The following ALG1 variants were observed in gnomAD, a reference collection of about 807,000 sequenced individuals.
ALG1 encodes the protein ALG1 chitobiosyldiphosphodolichol beta-mannosyltransferase.
Under a neutral mutation model 55.1 loss-of-function variants are expected in ALG1, and 58 were observed. That is an observed-to-expected ratio of 1.05 (90% CI 0.85 to 1.31). The LOEUF (loss-of-function observed/expected upper bound fraction) is 1.31. Ranked by LOEUF, ALG1 falls within the 50% of genes most tolerant of loss-of-function variation. The pLI, the probability that ALG1 is intolerant of heterozygous loss-of-function variation, is 0.00. For synonymous variants in ALG1, 309 were observed against 247.0 expected, an observed-to-expected ratio of 1.25 and a Z score of -2.35; for missense variants, 761 against 598.6, an observed-to-expected ratio of 1.27 and a Z score of -2.83.
In ALG1 at chr16:5,073,152, G is replaced by C; in HGVS notation, c.287-1G>C. 1.9e-6 allele frequency: 3 copies of C among 1,614,160 alleles called. No individual in the cohort carries two copies. The highest frequency in any genetic ancestry group is 2.5e-6 in the Non-Finnish European group (3 of 1,180,016). ...AGTCACAGGTGTTTTCTGACTTGCA[G>C]TTGGGCCCCGAGTTTTCCAGTACGG... On this transcript the variant is annotated splice_acceptor_variant, in intron 2 of 12. Coordinates refer to ENST00000262374, the MANE Select transcript of ALG1 (RefSeq NM_019109.5). LOFTEE classifies it high-confidence loss of function.
intron 4 of ALG1, among the ~76,000 whole-genome samples, chr16:5,075,821 T>C (rs891607217): frequency 6.6e-6 from 1 of 152,208 alleles, no homozygotes; most frequent in Non-Finnish European, 1.5e-5. Flanking sequence ...CACTCCCTTC[T>C]GGTGGTGGTT....
chr16:5,085,138 C>T lies in ALG1; in HGVS notation c.*257C>T. On this transcript the variant is annotated 3_prime_UTR_variant, in exon 13 of 13. Transcript: ENST00000262374. The stretch of plus-strand genomic sequence containing the variant: ...GCCCCATGCCCCTGCTAGCGTATTA[C>T]TGTTCTGTGACTTCCCTGTGACCTC... The T allele has an allele frequency of 3.1e-6, 2 of 653,086 alleles. No homozygotes were observed. Among genetic ancestry groups the T allele is most frequent in the South Asian group, 2.0e-5 (1 of 51,148 alleles). The allele number at this position is 653,086 out of a possible 1,614,324, so 40.5% of individuals were successfully genotyped here.
chr16:5,078,757 C>G lies in ALG1; in HGVS notation c.741C>G (p.Arg247=). The G allele has an allele frequency of 6.2e-7, 1 of 1,612,900 alleles. No individual in the cohort carries two copies. The highest frequency in any genetic ancestry group is 8.5e-7 in the Non-Finnish European group (1 of 1,179,800). The change falls in exon 7 of 13, where the codon CGC becomes CGG. Residue 247 remains arginine (R), a splice_region_variant and synonymous_variant. Transcript: ENST00000262374. ...LGSMHSPFRA[R]SEPEDPVTER... ...ACAGGCTTTTTTTCTGCTCCTTCAG[C>G]TCAGAACCTGAGGACCCAGTCACGG...
At chr16:5,078,934 G>C in intron 7 of ALG1, 56 bp downstream of exon 7, 1 of 1,602,916 alleles carries the variant, frequency 6.2e-7, no homozygotes, top group Middle Eastern at 2.3e-4. Flanking sequence ...TGGCCAACCT[G>C]TGTTCTCCTC....
rs992880561 is a variant in ALG1 at position 5,073,176 on chromosome 16, G to C, written c.310G>C (p.Gly104Arg). 6.2e-7 allele frequency: 1 copy of C among 1,614,190 alleles called. No individual in the cohort carries two copies. Among genetic ancestry groups the C allele is most frequent in the Non-Finnish European group, 8.5e-7 (1 of 1,180,036 alleles). The part of the protein sequence containing the change: ...LAVGPRVFQY[G>R]VKVVLQAMYL... ...AGTTGGGCCCCGAGTTTTCCAGTAC[G>C]GAGTCAAAGTTGTACTTCAGGCTAT... The change falls in exon 3 of 13, where the codon GGA becomes CGA. Residue 104 changes from glycine to arginine, a missense_variant. By Grantham distance (125) the Gly-to-Arg change is moderately radical. Transcript: ENST00000262374.
intron 10 of ALG1, 131 bp downstream of exon 10, chr16:5,081,187 A>C (rs1432142431): frequency 2.6e-5 from 30 of 1,147,976 alleles, no homozygotes; most frequent in Non-Finnish European, 3.6e-5. Context: ...TCCCAGGAGG[A>C]GGCTACTTCC....
Position 5,077,169 on chromosome 16 carries a change from G to GTATT in ALG1, c.540-258_540-255dup, listed in dbSNP as rs529917096. 3.0e-3 allele frequency among the ~76,000 whole-genome samples: 458 copies of GTATT among 152,084 alleles called. 6 individuals carry two copies. The highest frequency in any genetic ancestry group is 0.011 in the African/African-American group (438 of 41,502). ...TCCTTCTATTTATTTTTTTAAATTT[G>GTATT]TATTTATTTATTTATTTATTTGAGA... On this transcript the variant is annotated intron_variant, in intron 4 of 12. Coordinates refer to ENST00000262374, the MANE Select transcript of ALG1 (RefSeq NM_019109.5).
At position 5,079,909 on chromosome 16, in the gene ALG1, C is replaced by T. The variant is rs965463704; in HGVS notation, c.961+102C>T. On this transcript the variant is annotated intron_variant, in intron 9 of 12. Transcript: ENST00000262374. ...CTTCCCATGATCTTGTCTCCTTAATCCTCACTGCAGCTCTGCCATAGGGTC... is the reference window on the plus strand; with the variant it reads ...CTTCCCATGATCTTGTCTCCTTAATTCTCACTGCAGCTCTGCCATAGGGTC... The T allele has an allele frequency of 1.0e-4, 148 of 1,427,822 alleles. No homozygotes were observed. The African/African-American group carries it at 1.5e-3, about 15-fold the overall frequency. The allele number at this position is 1,427,822 out of a possible 1,614,324, so 88.4% of individuals were successfully genotyped here.
At chr16:5,077,567 G>C (rs1387423941) in intron 5 of ALG1, 33 bp downstream of exon 5, 1 of 1,608,324 alleles carries the variant, frequency 6.2e-7, no homozygotes, top group Non-Finnish European at 8.5e-7. Context: ...CGGCCTGGGA[G>C]AGGCGCGGGG....
intron 1 of ALG1, chr16:5,072,345 G>A (rs919102970): frequency 1.7e-6 from 2 of 1,149,200 alleles, no homozygotes; most frequent in African/African-American, 3.1e-5. Context: ...GGCTAGTGCT[G>A]GTAGCTACGT....
chr16:5,072,981 A>C lies in ALG1; in HGVS notation c.239A>C (p.Asn80Thr). Residue 80 changes from asparagine to threonine, a missense_variant, in exon 2 of 13, where the codon AAC becomes ACC. Asn to Thr is a moderately conservative substitution (Grantham distance 65). Coordinates refer to ENST00000262374, the MANE Select transcript of ALG1 (RefSeq NM_019109.5). The stretch of plus-strand genomic sequence containing the variant: ...AAACCCCATGATGAGCTCTTGCAGA[A>C]CAACAGAATTCAGATTGTGGGGTTG... ...NSKPHDELLQ[N>T]NRIQIVGLTE... 6.2e-7 allele frequency: 1 copy of C among 1,614,204 alleles called. No homozygotes were observed. Among genetic ancestry groups the C allele is most frequent in the Non-Finnish European group, 8.5e-7 (1 of 1,180,028 alleles).
intron 4 of ALG1, among the ~76,000 whole-genome samples, 185 bp from the exon 5 acceptor site, chr16:5,077,260 A>G (rs1430253211): frequency 6.6e-6 from 1 of 152,162 alleles, no homozygotes; most frequent in Admixed American, 6.6e-5. Flanking sequence ...ATTTAAGCCA[A>G]CAAGTGACAC....
At position 5,087,302 on chromosome 16, in the gene ALG1, T is replaced by C. The variant is rs1458296506; in HGVS notation, c.*2421T>C. 2.0e-5 allele frequency: 3 copies of C among 152,248 alleles called. No individual in the cohort carries two copies. The highest frequency in any genetic ancestry group is 3.8e-4 in the East Asian group (2 of 5,206). The allele number at this position is 152,248 out of a possible 1,614,324, so 9.4% of individuals were successfully genotyped here. The stretch of plus-strand genomic sequence containing the variant: ...GGCCGCAAGTTGGACAAGACTGCTA[T>C]ATGTATATTCTAGGTTTTCCCCTAT... On this transcript the variant is annotated 3_prime_UTR_variant, in exon 13 of 13. Transcript: ENST00000262374.
rs749446443 is a variant in ALG1, at chr16:5,072,941, C to T, written c.209-10C>T. On this transcript the variant is annotated splice_polypyrimidine_tract_variant and intron_variant, in intron 1 of 12. Coordinates refer to ENST00000262374, the MANE Select transcript of ALG1 (RefSeq NM_019109.5). ...TCTGGTACATTAAAGGGATCATTCTCATTTTTCAGACTCCAAACCCCATGA... is the reference window on the plus strand; with the variant it reads ...TCTGGTACATTAAAGGGATCATTCTTATTTTTCAGACTCCAAACCCCATGA... The T allele has an allele frequency of 1.2e-6, 2 of 1,613,478 alleles. No individual in the cohort carries two copies. Among genetic ancestry groups the T allele is most frequent in the Non-Finnish European group, 1.7e-6 (2 of 1,179,386 alleles).
Position 5,078,782 on chromosome 16 carries a change from G to C in ALG1, c.766G>C (p.Glu256Gln). ...ARSEPEDPVT[E>Q]RSAFTERDAG... ...CTCAGAACCTGAGGACCCAGTCACG[G>C]AGCGGTCGGCCTTCACGGAGCGGGA... The change falls in exon 7 of 13, where the codon GAG becomes CAG. Residue 256 changes from glutamate (E) to glutamine (Q), a missense_variant. Physicochemically the swap from Glu to Gln is conservative, Grantham distance 29 (BLOSUM62 2). Transcript: ENST00000262374. 1 of 1,612,904 alleles carries C rather than the reference G, an allele frequency of 6.2e-7. No individual in the cohort carries two copies. Among genetic ancestry groups the C allele is most frequent in the South Asian group, 1.1e-5 (1 of 91,020 alleles).
intron 3 of ALG1, among the ~76,000 whole-genome samples, chr16:5,074,654 T>C (rs979781866): frequency 6.6e-6 from 1 of 152,216 alleles, no homozygotes; most frequent in Non-Finnish European, 1.5e-5. Flanking sequence ...TGGAATTGTG[T>C]AGTCAAAGTT....
At chr16:5,081,891 T>G (rs1428621562) in intron 10 of ALG1, among the ~76,000 whole-genome samples, 3 of 152,006 alleles carry the variant, frequency 2.0e-5, no homozygotes, top group Non-Finnish European at 4.4e-5. Context: ...GTTAAGCTAT[T>G]TGGCTTTATT....
intron 5 of ALG1, 84 bp from the exon 6 acceptor site, chr16:5,077,823 C>A: frequency 7.6e-7 from 1 of 1,311,702 alleles, no homozygotes; most frequent in Non-Finnish European, 1.1e-6. Context: ...CCCAAGCGTC[C>A]TTCTTTTCCT....
intron 4 of ALG1, among the ~76,000 whole-genome samples, chr16:5,076,546 G>A (rs1026564783): frequency 5.3e-5 from 8 of 152,190 alleles, no homozygotes; most frequent in Admixed American, 2.6e-4. Context: ...GCCCATTTCC[G>A]AGCTTTCTCT....
Sources: gnomAD v4.1 joint callset for allele counts (sites outside exome capture counted in the v4.1 genomes callset) on GRCh38, gnomAD v4.1.1 for gene constraint, MANE v1.5 for transcripts, NCBI Gene and HGNC (gene_info 2026-07-23, HGNC 2026-07-21) for gene names.